OSBP2: variants seen among roughly 807,000 people sequenced by gnomAD.
OSBP2 encodes the protein oxysterol binding protein 2.
In OSBP2, 66 loss-of-function variants were observed where a neutral mutation model predicts 96.0. The ratio of observed to expected loss-of-function variants is 0.69; its 90% confidence interval spans 0.56 to 0.84. The LOEUF is 0.84. OSBP2 is among the 40% of genes least tolerant of loss of function. The pLI is 0.00. For missense variants in OSBP2, 1,038 were observed against 1,222.7 expected (o/e 0.85, Z 2.25); for synonymous variants, 525 against 520.9 (o/e 1.01, Z -0.11).
intron 2 of OSBP2, among the ~76,000 whole-genome samples, chr22:30,748,285 G>A (rs1168994453): frequency 5.9e-5 from 9 of 152,196 alleles, no homozygotes; most frequent in South Asian, 2.1e-4. Context: ...TCCTGAGGCC[G>A]GTCTTGAACT....
chr22:30,831,084 C>T (rs779432812), intron 2 of OSBP2, among the ~76,000 whole-genome samples: 7 of 152,102 alleles, frequency 4.6e-5, no homozygotes, highest in African/African-American at 1.2e-4. Flanking sequence ...TGTTTCTTTC[C>T]GGGACACATT....
chr22:30,724,655 T>C (rs1022679633), intron 1 of OSBP2, among the ~76,000 whole-genome samples: 3 of 152,250 alleles, frequency 2.0e-5, no homozygotes, highest in Non-Finnish European at 4.4e-5. Flanking sequence ...TTGGCAGTTA[T>C]GAATAAAGCT....
intron 2 of OSBP2, among the ~76,000 whole-genome samples, chr22:30,745,535 C>A (rs1472496991): frequency 6.6e-6 from 1 of 151,866 alleles, no homozygotes; most frequent in African/African-American, 2.4e-5. Context: ...GATGTGGTAG[C>A]AGACGCCTGT....
At position 30,890,319 on chromosome 22, in the gene OSBP2, G is replaced by A. The variant is rs556997521; in HGVS notation, c.1624-409G>A. ...TTGGGCCTAACCCATCCTGTGCCGG[G>A]CCCCATCACAGCTCGCAACATGGGG... On this transcript the variant is annotated intron_variant, in intron 7 of 13. Transcript: ENST00000332585. The surrounding 1 kb of genome is among the most constrained non-coding windows in gnomAD (Gnocchi z 4.4). 1.8e-3 allele frequency among the ~76,000 whole-genome samples: 280 copies of A among 151,980 alleles called. 2 individuals are homozygous for A. Among genetic ancestry groups the A allele is most frequent in the Middle Eastern group, 3.4e-3 (1 of 294 alleles).
intron 2 of OSBP2, among the ~76,000 whole-genome samples, chr22:30,775,856 C>T (rs554916413): frequency 2.6e-5 from 4 of 151,518 alleles, no homozygotes; most frequent in East Asian, 3.9e-4. Context: ...AGTTCAGTGG[C>T]GCCATCTCTG....
intron 2 of OSBP2, among the ~76,000 whole-genome samples, chr22:30,858,713 T>A (rs1006274720): frequency 6.6e-6 from 1 of 151,236 alleles, no homozygotes; most frequent in Non-Finnish European, 1.5e-5. Context: ...ACCCCGTCTC[T>A]ACTAAAAATA....
intron 2 of OSBP2, among the ~76,000 whole-genome samples, chr22:30,807,136 A>G (rs2090939394): frequency 6.6e-6 from 1 of 152,096 alleles, no homozygotes; most frequent in Non-Finnish European, 1.5e-5. Flanking sequence ...CATGATGCTG[A>G]ACCTTGCGCC....
At chr22:30,725,555 A>C (rs889658077) in intron 1 of OSBP2, among the ~76,000 whole-genome samples, 1 of 151,444 alleles carries the variant, frequency 6.6e-6, no homozygotes, top group African/African-American at 2.4e-5. Flanking sequence ...CAAAAAAAAA[A>C]ACACACAAAA....
chr22:30,846,528 T>C (rs1349939576), intron 2 of OSBP2, among the ~76,000 whole-genome samples: 4 of 152,090 alleles, frequency 2.6e-5, no homozygotes, highest in Non-Finnish European at 5.9e-5. Flanking sequence ...TATTTTCTGC[T>C]CTTTTGATAA....
intron 1 of OSBP2, among the ~76,000 whole-genome samples, chr22:30,735,410 CTTTTTTTTTTT>C (rs774749546): frequency 9.9e-6 from 1 of 100,598 alleles, no homozygotes; most frequent in African/African-American, 4.1e-5. Flanking sequence ...TCTTCTCTCT[CTTTTTTTTTTT>C]TTTTTTTTTT....
upstream of OSBP2, chr22:30,694,804 G>T (rs1174281558): frequency 3.5e-6 from 2 of 564,888 alleles, no homozygotes; most frequent in Non-Finnish European, 4.5e-6. Context: ...GAACCCGCGC[G>T]CGCCCCCGCC....
intron 2 of OSBP2, chr22:30,764,499 C>G (rs191433970): frequency 6.2e-6 from 4 of 642,518 alleles, no homozygotes; most frequent in Non-Finnish European, 7.7e-6. Context: ...AAACAGCTCT[C>G]GGGAACCCTG....
At chr22:30,843,443 T>TC (rs1569146745) in intron 2 of OSBP2, among the ~76,000 whole-genome samples, 37 of 99,670 alleles carry the variant, frequency 3.7e-4, no homozygotes, top group African/African-American at 1.5e-3. Flanking sequence ...TCAGGAATCT[T>TC]TCCCCCCTCC....
intron 2 of OSBP2, among the ~76,000 whole-genome samples, chr22:30,814,133 C>A (rs1281357213): frequency 1.3e-5 from 2 of 152,148 alleles, no homozygotes; most frequent in African/African-American, 4.8e-5. Context: ...GAGATACTAT[C>A]CTCACAGCTC....
chr22:30,876,572 T>C (rs2039584704), intron 3 of OSBP2, among the ~76,000 whole-genome samples: 1 of 152,180 alleles, frequency 6.6e-6, no homozygotes, highest in Non-Finnish European at 1.5e-5. Context: ...TCCCGACCCG[T>C]TCCCCACAGG....
chr22:30,840,354 C>T (rs2038727345), intron 2 of OSBP2, among the ~76,000 whole-genome samples: 1 of 151,750 alleles, frequency 6.6e-6, no homozygotes, highest in African/African-American at 2.4e-5. Flanking sequence ...AAACTGGATC[C>T]CTTCCTTACA....
intron 2 of OSBP2, among the ~76,000 whole-genome samples, chr22:30,867,758 C>T (rs532745951): frequency 6.6e-6 from 1 of 152,360 alleles, no homozygotes; most frequent in South Asian, 2.1e-4. Context: ...TACCTGCTTC[C>T]ACCTGCCACA....
At chr22:30,835,027 G>A (rs2038604184) in intron 2 of OSBP2, among the ~76,000 whole-genome samples, 1 of 151,980 alleles carries the variant, frequency 6.6e-6, no homozygotes, top group Non-Finnish European at 1.5e-5. Flanking sequence ...TGTTGGTCAG[G>A]TGGTCTCGAA....
intron 2 of OSBP2, among the ~76,000 whole-genome samples, chr22:30,839,290 A>G (rs1407727413): frequency 1.4e-5 from 2 of 146,022 alleles, no homozygotes; most frequent in Non-Finnish European, 1.5e-5. Flanking sequence ...GCTATTGTGA[A>G]TAGTACCACA....
Sources: allele counts gnomAD v4.1 joint callset (sites outside exome capture counted in the v4.1 genomes callset), GRCh38; gene constraint gnomAD v4.1.1; non-coding constraint Gnocchi (gnomAD v3.1); transcripts MANE v1.5; gene names NCBI Gene and HGNC (gene_info 2026-07-23, HGNC 2026-07-21).